TBC1D8: variants seen among roughly 807,000 people sequenced by gnomAD.
TBC1D8 encodes BUB2-like protein 1.
TBC1D8 carries 65 observed loss-of-function variants against 118.8 expected under a neutral mutation model. The observed-to-expected ratio is 0.55, with a 90% CI of 0.45 to 0.67. The LOEUF (loss-of-function observed/expected upper bound fraction) is 0.67, where lower values mean the gene tolerates loss of function less well. Among genes scored for constraint, TBC1D8 ranks in the 30% least tolerant of loss-of-function variants. TBC1D8 has a pLI of 0.00. For missense variants in TBC1D8, 1,376 were observed against 1,471.2 expected, an observed-to-expected ratio of 0.94 and a Z score of 1.06; for synonymous variants, 566 against 595.8, an observed-to-expected ratio of 0.95 and a Z score of 0.73.
chr2:101,115,438 G>T (rs1056516845), intron 1 of TBC1D8, among the ~76,000 whole-genome samples: 1 of 152,182 alleles, frequency 6.6e-6, no homozygotes, highest in Non-Finnish European at 1.5e-5. Flanking sequence ...CTTCCATTTA[G>T]GGGAAGTTGC....
chr2:101,011,269 G>T, intron 18 of TBC1D8, 182 bp downstream of exon 18: 1 of 717,650 alleles, frequency 1.4e-6, no homozygotes, highest in African/African-American at 1.8e-5. Context: ...GCAAGGGGCA[G>T]CCACCCAGCA....
At chr2:101,077,300 T>C (rs1573990318) in intron 2 of TBC1D8, among the ~76,000 whole-genome samples, 1 of 137,374 alleles carries the variant, frequency 7.3e-6, no homozygotes, top group Non-Finnish European at 1.5e-5. Flanking sequence ...CAGGCTGGAG[T>C]GCAGTGGCAT....
intron 2 of TBC1D8, among the ~76,000 whole-genome samples, chr2:101,063,694 G>A (rs1272163278): frequency 6.6e-6 from 1 of 151,994 alleles, no homozygotes; most frequent in Non-Finnish European, 1.5e-5. Flanking sequence ...ACATATCACA[G>A]TTCTCAAACT....
intron 2 of TBC1D8, among the ~76,000 whole-genome samples, chr2:101,086,067 G>A (rs1210896510): frequency 1.3e-5 from 2 of 151,882 alleles, no homozygotes; most frequent in Non-Finnish European, 2.9e-5. Context: ...GCATGAACCT[G>A]GGAGGCAGAG....
intron 1 of TBC1D8, among the ~76,000 whole-genome samples, chr2:101,111,487 G>T (rs546842874): frequency 6.6e-6 from 1 of 152,350 alleles, no homozygotes; most frequent in East Asian, 1.9e-4. Context: ...GTCCGGAGGA[G>T]CATTTCAAGG....
intron 1 of TBC1D8, among the ~76,000 whole-genome samples, chr2:101,104,181 G>C (rs1677050309): frequency 6.6e-6 from 1 of 152,128 alleles, no homozygotes; most frequent in South Asian, 2.1e-4. Flanking sequence ...GGGTTTATTT[G>C]TATCAAACTA....
At chr2:101,101,686 G>A (rs955184109) in intron 1 of TBC1D8, among the ~76,000 whole-genome samples, 4 of 152,166 alleles carry the variant, frequency 2.6e-5, no homozygotes, top group Non-Finnish European at 5.9e-5. Flanking sequence ...AGAAAATGTG[G>A]TACATATACA....
intron 2 of TBC1D8, among the ~76,000 whole-genome samples, chr2:101,074,772 T>C (rs1209463773): frequency 6.6e-6 from 1 of 152,216 alleles, no homozygotes; most frequent in Admixed American, 6.5e-5. Flanking sequence ...AAGTTATAAC[T>C]ATGTAGTTTT....
chr2:101,097,162 G>A (rs1309611971), intron 1 of TBC1D8, among the ~76,000 whole-genome samples: 1 of 151,968 alleles, frequency 6.6e-6, no homozygotes, highest in Non-Finnish European at 1.5e-5. Flanking sequence ...CAAGAGAGTG[G>A]GGTAAAATAT....
intron 2 of TBC1D8, among the ~76,000 whole-genome samples, chr2:101,072,095 A>C (rs370575215): frequency 9.9e-5 from 15 of 152,236 alleles, no homozygotes; most frequent in South Asian, 4.1e-4. Context: ...AACCAGGTGC[A>C]TTGTCAATAA....
intron 1 of TBC1D8, among the ~76,000 whole-genome samples, chr2:101,125,862 T>G (rs1470061182): frequency 1.3e-5 from 2 of 152,206 alleles, no homozygotes; most frequent in African/African-American, 2.4e-5. Flanking sequence ...AGTTCTTAGC[T>G]CTTCCTCCAT....
At position 101,054,115 on chromosome 2, in the gene TBC1D8, G is replaced by A. The variant is rs1451697675; in HGVS notation, c.624C>T (p.Gly208=). The part of the protein sequence containing the change: ...NHLCFYSFFL[G]KELKLVVPWV... ...CTGCCAGGCCTCACTTACGTTCCTT[G>A]CCCAGGAAGAAGGAGTAGAAGCAGA... Residue 208 remains glycine (G), a synonymous_variant, in exon 4 of 20, where the codon GGC becomes GGT. Coordinates refer to ENST00000409318, the MANE Select transcript of TBC1D8 (RefSeq NM_001330348.2). The A allele has an allele frequency of 2.5e-6, 4 of 1,610,804 alleles. No individual in the cohort carries two copies. Among genetic ancestry groups the A allele is most frequent in the Non-Finnish European group, 3.4e-6 (4 of 1,178,526 alleles).
At chr2:101,048,612 G>T (rs372590858) in intron 5 of TBC1D8, among the ~76,000 whole-genome samples, 1 of 151,994 alleles carries the variant, frequency 6.6e-6, no homozygotes, top group African/African-American at 2.4e-5. Context: ...AAGGGGCTTT[G>T]AATTCTTTCT....
Position 101,007,796 on chromosome 2 carries a change from A to G in TBC1D8, c.*25T>C, listed in dbSNP as rs375440656. ...TTCGTGCTTTGGTATGGTGGACTCC[A>G]GTGTGCATAGCAGCTGCTGTCTTGC... On this transcript the variant is annotated 3_prime_UTR_variant, in exon 20 of 20. Coordinates refer to ENST00000409318, the MANE Select transcript of TBC1D8 (RefSeq NM_001330348.2). 40 of 1,604,020 alleles carry G rather than the reference A, an allele frequency of 2.5e-5. No individual in the cohort carries two copies. In the African/African-American group the frequency reaches 4.3e-4, roughly 17 times the overall value.
chr2:101,084,849 A>ATTTT (rs70943062), intron 2 of TBC1D8, among the ~76,000 whole-genome samples: 8 of 136,356 alleles, frequency 5.9e-5, no homozygotes, highest in South Asian at 2.4e-4. Flanking sequence ...GGTATTCACT[A>ATTTT]TTTTTTTTTT....
At chr2:101,135,159 G>A (rs1236785673) in intron 1 of TBC1D8, among the ~76,000 whole-genome samples, 4 of 152,112 alleles carry the variant, frequency 2.6e-5, no homozygotes, top group Admixed American at 2.0e-4. Flanking sequence ...GCGACAGAGC[G>A]AGACTCCGTC....
chr2:101,032,231 C>G lies in TBC1D8; in HGVS notation c.1936+37G>C, dbSNP rs553644673. ...ATCCTGCCCAGGCTCTGTCACTCTT[C>G]CCCAGATACACAGGAGGAGGAAGGG... On this transcript the variant is annotated intron_variant, in intron 11 of 19. Coordinates refer to ENST00000409318, the MANE Select transcript of TBC1D8 (RefSeq NM_001330348.2). 8.2e-6 allele frequency: 13 copies of G among 1,579,756 alleles called. No individual in the cohort carries two copies. The South Asian group carries it at 1.0e-4, about 12-fold the overall frequency.
At chr2:101,047,896 A>G (rs1681809982) in intron 5 of TBC1D8, among the ~76,000 whole-genome samples, 1 of 152,174 alleles carries the variant, frequency 6.6e-6, no homozygotes, top group Non-Finnish European at 1.5e-5. Context: ...ACCACAAGGG[A>G]TTTGGTGCTA....
intron 1 of TBC1D8, among the ~76,000 whole-genome samples, chr2:101,140,383 G>C (rs1679050739): frequency 6.6e-6 from 1 of 152,148 alleles, no homozygotes; most frequent in Non-Finnish European, 1.5e-5. Context: ...CCCCACGCAT[G>C]CTAGACATTT....
Sources: allele counts gnomAD v4.1 joint callset (sites outside exome capture counted in the v4.1 genomes callset), GRCh38; gene constraint gnomAD v4.1.1; transcripts MANE v1.5; gene names NCBI Gene and HGNC (gene_info 2026-07-23, HGNC 2026-07-21).